SH3GLB1: variants seen among roughly 807,000 people sequenced by gnomAD.
The protein encoded by SH3GLB1 is SH3 domain containing GRB2 like, endophilin B1.
In SH3GLB1, 17 loss-of-function variants were observed where a neutral mutation model predicts 42.0. The ratio of observed to expected loss-of-function variants is 0.40; its 90% CI spans 0.28 to 0.61. The LOEUF (loss-of-function observed/expected upper bound fraction) is 0.61, where lower values mean the gene tolerates loss of function less well. SH3GLB1 is among the 20% of genes least tolerant of loss of function. The pLI, the probability that SH3GLB1 is intolerant of heterozygous loss-of-function variation, is 0.36. For synonymous variants in SH3GLB1, 132 were observed against 146.6 expected (o/e 0.90, Z 0.72); for missense variants, 355 against 426.3 (o/e 0.83, Z 1.47).
chr1:86,732,713 T>G (rs1467125582), intron 5 of SH3GLB1, among the ~76,000 whole-genome samples: 1 of 152,170 alleles, frequency 6.6e-6, no homozygotes, highest in Non-Finnish European at 1.5e-5. Flanking sequence ...TCCCTCATCC[T>G]TAATGAGATC....
chr1:86,728,250 A>G (rs1210010072), intron 5 of SH3GLB1, among the ~76,000 whole-genome samples: 2 of 152,112 alleles, frequency 1.3e-5, no homozygotes, highest in Admixed American at 1.3e-4. Flanking sequence ...ATGCAGTTTC[A>G]CAGAACAATA....
chr1:86,725,787 C>T (rs575003077), intron 5 of SH3GLB1, among the ~76,000 whole-genome samples: 19 of 152,198 alleles, frequency 1.2e-4, no homozygotes, highest in Admixed American at 1.0e-3. Context: ...TACGAGACTA[C>T]CCTAATACCT....
At position 86,743,231 on chromosome 1, in the gene SH3GLB1, A is replaced by AT; in HGVS notation, c.1096dup (p.Ter366LeufsTer23). On this transcript the variant is annotated frameshift_variant, in exon 9 of 9. Transcript: ENST00000370558. LOFTEE classifies it high-confidence loss of function. ...CCAATTACCTACTTAGAACTGCTCA[A>AT]TTAAGTAGGTGGACTATGGAAAGGT... 1 of 1,594,424 alleles carries AT rather than the reference A, an allele frequency of 6.3e-7. No individual in the cohort carries two copies. Among genetic ancestry groups the AT allele is most frequent in the Non-Finnish European group, 8.5e-7 (1 of 1,172,550 alleles).
chr1:86,710,328 G>T (rs1185621890), intron 1 of SH3GLB1, among the ~76,000 whole-genome samples: 1 of 150,988 alleles, frequency 6.6e-6, no homozygotes, highest in East Asian at 1.9e-4. Context: ...GCAGTGGCAC[G>T]ATCTTGGCTC....
chr1:86,712,071 A>C (rs1037320688), intron 1 of SH3GLB1, among the ~76,000 whole-genome samples: 3 of 152,142 alleles, frequency 2.0e-5, no homozygotes, highest in African/African-American at 7.2e-5. Context: ...CACCAATGAT[A>C]AAATTTGGGA....
intron 5 of SH3GLB1, among the ~76,000 whole-genome samples, chr1:86,726,050 T>C (rs1655178156): frequency 6.6e-6 from 1 of 152,146 alleles, no homozygotes; most frequent in Non-Finnish European, 1.5e-5. Context: ...TATTAGTTTC[T>C]AGTTGCTAAT....
chr1:86,708,617 G>A (rs1010345329), intron 1 of SH3GLB1, among the ~76,000 whole-genome samples: 1 of 152,146 alleles, frequency 6.6e-6, no homozygotes, highest in Non-Finnish European at 1.5e-5. Context: ...GTATAAATGA[G>A]TAGGAATGTT....
chr1:86,705,028 G>T, intron 1 of SH3GLB1, 57 bp downstream of exon 1: 2 of 1,229,516 alleles, frequency 1.6e-6, no homozygotes, highest in South Asian at 1.4e-5. Context: ...TGAGGGAGGG[G>T]ACCGCAGCTC....
chr1:86,733,086 T>C (rs1655596036), intron 5 of SH3GLB1, among the ~76,000 whole-genome samples: 2 of 152,176 alleles, frequency 1.3e-5, no homozygotes, highest in African/African-American at 4.8e-5. Context: ...GGAAGAACAT[T>C]GCTTCTTTTT....
intron 3 of SH3GLB1, 100 bp downstream of exon 3, chr1:86,719,735 C>G: frequency 8.3e-7 from 1 of 1,211,734 alleles, no homozygotes; most frequent in Non-Finnish European, 1.1e-6. Context: ...GTGGCTCACA[C>G]CTGTAATCCC....
At chr1:86,733,908 C>T (rs896999466) in intron 5 of SH3GLB1, among the ~76,000 whole-genome samples, 2 of 151,930 alleles carry the variant, frequency 1.3e-5, no homozygotes, top group Non-Finnish European at 2.9e-5. Context: ...AAGAATTTAA[C>T]AGCACACTAC....
intron 5 of SH3GLB1, 152 bp from the exon 6 acceptor site, chr1:86,734,450 A>G (rs1655676027): frequency 6.7e-6 from 4 of 601,134 alleles, no homozygotes; most frequent in South Asian, 6.3e-5. Context: ...TCTAGAAACC[A>G]GGGGACCATT....
intron 8 of SH3GLB1, among the ~76,000 whole-genome samples, chr1:86,742,655 C>T (rs550275453): frequency 3.7e-4 from 56 of 152,154 alleles, no homozygotes; most frequent in African/African-American, 1.3e-3. Flanking sequence ...ATAAAACTCC[C>T]TCCAATAAGA....
intron 1 of SH3GLB1, among the ~76,000 whole-genome samples, chr1:86,711,857 A>G (rs1482125505): frequency 6.6e-6 from 1 of 152,120 alleles, no homozygotes; most frequent in Non-Finnish European, 1.5e-5. Flanking sequence ...TGAGGGCAAG[A>G]AGTACATCAG....
At chr1:86,711,263 C>T (rs181990919) in intron 1 of SH3GLB1, among the ~76,000 whole-genome samples, 1 of 151,662 alleles carries the variant, frequency 6.6e-6, no homozygotes, top group African/African-American at 2.4e-5. Flanking sequence ...AGTTTGGAAT[C>T]CAGGCTCCTT....
At chr1:86,730,354 T>C in intron 5 of SH3GLB1, 1 of 985,392 alleles carries the variant, frequency 1.0e-6, no homozygotes, top group Non-Finnish European at 1.2e-6. Context: ...CCTGTTATAC[T>C]AAGTGGTAAT....
At chr1:86,712,942 G>A (rs1654295722) in intron 1 of SH3GLB1, among the ~76,000 whole-genome samples, 1 of 152,028 alleles carries the variant, frequency 6.6e-6, no homozygotes, top group Non-Finnish European at 1.5e-5. Flanking sequence ...CTGGGAGGTA[G>A]TATCATGAGA....
chr1:86,705,530 G>A (rs970988394), intron 1 of SH3GLB1, among the ~76,000 whole-genome samples: 6 of 152,236 alleles, frequency 3.9e-5, no homozygotes, highest in South Asian at 4.1e-4. Context: ...TCGCCAGTTG[G>A]CGTTGAGACT....
At chr1:86,718,605 A>C (rs1654687375) in intron 2 of SH3GLB1, among the ~76,000 whole-genome samples, 4 of 152,142 alleles carry the variant, frequency 2.6e-5, no homozygotes, top group Admixed American at 2.6e-4. Context: ...AAACTTCCGC[A>C]TGCGTAGGAA....
Sources: gnomAD v4.1 joint callset for allele counts (sites outside exome capture counted in the v4.1 genomes callset) on GRCh38, gnomAD v4.1.1 for gene constraint, MANE v1.5 for transcripts, NCBI Gene and HGNC (gene_info 2026-07-23, HGNC 2026-07-21) for gene names.